The following SEMA7A variants were observed in gnomAD, a reference collection of about 807,000 sequenced individuals.
SEMA7A encodes semaphorin-7A.
SEMA7A carries 21 observed loss-of-function variants against 67.5 expected under a neutral mutation model. The ratio of observed to expected loss-of-function variants is 0.31; its 90% CI spans 0.22 to 0.45. The LOEUF is 0.45. Among genes scored for constraint, SEMA7A ranks in the 20% least tolerant of loss-of-function variants. SEMA7A has a pLI of 1.00. For missense variants in SEMA7A, 774 were observed against 908.6 expected, an observed-to-expected ratio of 0.85 and a Z score of 1.90; for synonymous variants, 364 against 368.5, an observed-to-expected ratio of 0.99 and a Z score of 0.14.
At chr15:74,429,003 A>G (rs2141291459) in intron 1 of SEMA7A, among the ~76,000 whole-genome samples, 1 of 152,302 alleles carries the variant, frequency 6.6e-6, no homozygotes, top group East Asian at 1.9e-4. Flanking sequence ...ACAGCTGGCC[A>G]TACACCTGGT....
chr15:74,418,756 G>A (rs2060974150), intron 2 of SEMA7A, 45 bp downstream of exon 2: 2 of 1,598,112 alleles, frequency 1.3e-6, no homozygotes, highest in Admixed American at 1.7e-5. Flanking sequence ...GGCCAGAGGG[G>A]AGATAAGAGG....
chr15:74,412,468 AAC>A (rs2060910106), intron 10 of SEMA7A, among the ~76,000 whole-genome samples: 1 of 152,200 alleles, frequency 6.6e-6, no homozygotes, highest in African/African-American at 2.4e-5. Flanking sequence ...ACCGAGTTGG[AAC>A]CCAAATCTGT....
chr15:74,429,133 A>G (rs1296137527), intron 1 of SEMA7A, among the ~76,000 whole-genome samples: 7 of 152,214 alleles, frequency 4.6e-5, no homozygotes, highest in South Asian at 2.1e-4. Flanking sequence ...CGCTGGGCCA[A>G]AAAAGGAAAT....
At position 74,416,458 on chromosome 15, in the gene SEMA7A, C is replaced by G. The variant is rs566571850; in HGVS notation, c.801+117G>C. The G allele has an allele frequency of 1.2e-5, 13 of 1,114,628 alleles. No homozygotes were observed. The African/African-American group carries it at 2.0e-4, about 17-fold the overall frequency. The allele number at this position is 1,114,628 out of a possible 1,614,324, so 69.0% of individuals were successfully genotyped here. On this transcript the variant is annotated intron_variant, in intron 7 of 13. Coordinates refer to ENST00000261918, the MANE Select transcript of SEMA7A (RefSeq NM_003612.5). ...ACAGCTGCTCCCACAGTCCCTGACA[C>G]AGACCCACTCATACATCCACACAAC...
Position 74,433,919 on chromosome 15 carries a change from C to G in SEMA7A, c.-1G>C. 3.2e-6 allele frequency: 4 copies of G among 1,246,588 alleles called. No homozygotes were observed. The highest frequency in any genetic ancestry group is 4.0e-6 in the Non-Finnish European group (4 of 998,280). 77.2% of individuals were successfully genotyped at this position (1,246,588 alleles called of 1,614,324 possible). A position where few individuals can be genotyped will look rare whatever the true frequency, so the allele number is the denominator to read the frequency against. Reference sequence around the variant, plus strand: ...CACGTCCGGGCGGAGGAGGCGTCATCCCGTGGCCCCGGGAGCGACAGCGGC... The same window carrying G: ...CACGTCCGGGCGGAGGAGGCGTCATGCCGTGGCCCCGGGAGCGACAGCGGC... On this transcript the variant is annotated 5_prime_UTR_variant, in exon 1 of 14. Coordinates refer to ENST00000261918, the MANE Select transcript of SEMA7A (RefSeq NM_003612.5).
chr15:74,417,991 G>C (rs1330820664), intron 3 of SEMA7A, 22 bp from the exon 4 acceptor site: 1 of 1,610,814 alleles, frequency 6.2e-7, no homozygotes, highest in East Asian at 2.2e-5. Context: ...AGAGAGAAGG[G>C]AGGAGAGAAA....
Position 74,414,441 on chromosome 15 carries a change from T to C in SEMA7A, c.1294+106A>G, listed in dbSNP as rs1454888683. On this transcript the variant is annotated intron_variant, in intron 10 of 13. Transcript: ENST00000261918. This position sits in a 1 kb window ranked among gnomAD's most constrained non-coding sequence, Gnocchi z 4.1. Reference sequence around the variant, plus strand: ...CCTGACAACTCCAGTCACTCAATTATTCCTTCCACATGTAAAGATCCAACC... The same window carrying C: ...CCTGACAACTCCAGTCACTCAATTACTCCTTCCACATGTAAAGATCCAACC... 8.6e-7 allele frequency: 1 copy of C among 1,163,746 alleles called. No homozygotes were observed. The highest frequency in any genetic ancestry group is 1.3e-6 in the Non-Finnish European group (1 of 793,054). 72.1% of individuals were successfully genotyped at this position (1,163,746 alleles called of 1,614,324 possible). A position where few individuals can be genotyped will look rare whatever the true frequency, so the allele number is the denominator to read the frequency against.
chr15:74,417,904 G>C lies in SEMA7A; in HGVS notation c.438C>G (p.Asn146Lys). 6.2e-7 allele frequency: 1 copy of C among 1,613,422 alleles called. No homozygotes were observed. Among genetic ancestry groups the C allele is most frequent in the Non-Finnish European group, 8.5e-7 (1 of 1,180,006 alleles). ...RSEGLLACGT[N>K]ARHPSCWNLV... ...GGTTCCAGCAGCTGGGGTGCCGGGC[G>C]TTGGTGCCACAGGCCAGCAGCCCCT... is the stretch of plus-strand genomic sequence containing the variant. The change falls in exon 4 of 14, where the codon AAC becomes AAG. Residue 146 changes from asparagine to lysine, a missense_variant. By Grantham distance (94) the Asn-to-Lys change is moderately conservative (BLOSUM62 0). Around this residue, in one of 2 missense-constraint regions of SEMA7A, gnomAD observed 347 missense variants for 353.2 expected, o/e 0.98. Transcript: ENST00000261918.
At chr15:74,424,239 C>T (rs569083679) in intron 1 of SEMA7A, among the ~76,000 whole-genome samples, 21 of 152,206 alleles carry the variant, frequency 1.4e-4, no homozygotes, top group African/African-American at 4.8e-4. Flanking sequence ...GGTTCATTTT[C>T]CTCCCTGTGG....
chr15:74,429,174 C>T (rs2061066461), intron 1 of SEMA7A, among the ~76,000 whole-genome samples: 1 of 152,226 alleles, frequency 6.6e-6, no homozygotes, highest in Non-Finnish European at 1.5e-5. Context: ...CAGTCCAGAG[C>T]TGCCGACCAA....
rs1257222441 is a variant in SEMA7A, at chr15:74,433,892, G to T, written c.27C>A (p.Ala9=). 2.4e-6 allele frequency: 3 copies of T among 1,262,600 alleles called. No homozygotes were observed. The highest frequency in any genetic ancestry group is 8.5e-5 in the Admixed American group (2 of 23,614). 78.2% of individuals were successfully genotyped at this position (1,262,600 alleles called of 1,614,324 possible). A position where few individuals can be genotyped will look rare whatever the true frequency, so the allele number is the denominator to read the frequency against. MTPPPPGR[A]APSAPRARVP... ...CGCGGGCGCGCGGTGCGCTGGGGGCGGCACGTCCGGGCGGAGGAGGCGTCA... is the reference window on the plus strand; with the variant it reads ...CGCGGGCGCGCGGTGCGCTGGGGGCTGCACGTCCGGGCGGAGGAGGCGTCA... Residue 9 remains alanine, a synonymous_variant, in exon 1 of 14, where the codon GCC becomes GCA. Transcript: ENST00000261918.
intron 1 of SEMA7A, among the ~76,000 whole-genome samples, chr15:74,430,524 C>T (rs188928681): frequency 5.4e-4 from 83 of 152,340 alleles, no homozygotes; most frequent in African/African-American, 1.9e-3. Flanking sequence ...CAGCTCTCTC[C>T]CCTATACCAT....
At position 74,417,673 on chromosome 15, in the gene SEMA7A, C is replaced by T. The variant is rs746821688; in HGVS notation, c.468G>A (p.Val156=). The change falls in exon 5 of 14, where the codon GTG becomes GTA. Residue 156 remains valine (V), a splice_region_variant and synonymous_variant. Coordinates refer to ENST00000261918, the MANE Select transcript of SEMA7A (RefSeq NM_003612.5). ...CGCCAAGTGGCACCACAGTGCCATTCACCTGTGGGAGATCCAGAGGGTTGG... is the reference window on the plus strand; with the variant it reads ...CGCCAAGTGGCACCACAGTGCCATTTACCTGTGGGAGATCCAGAGGGTTGG... ...NARHPSCWNL[V]NGTVVPLGEM... The T allele has an allele frequency of 6.2e-7, 1 of 1,609,940 alleles. No individual in the cohort carries two copies. Among genetic ancestry groups the T allele is most frequent in the Non-Finnish European group, 8.5e-7 (1 of 1,178,604 alleles).
At position 74,416,564 on chromosome 15, in the gene SEMA7A, C is replaced by G; in HGVS notation, c.801+11G>C. On this transcript the variant is annotated intron_variant, in intron 7 of 13. Coordinates refer to ENST00000261918, the MANE Select transcript of SEMA7A (RefSeq NM_003612.5). ...AGACACGTAGCCAGCAGCCCTCACG[C>G]CCCTGCTCACCCTGCACAACTGGGC... is the stretch of plus-strand genomic sequence containing the variant. 1.2e-6 allele frequency: 2 copies of G among 1,613,356 alleles called. No homozygotes were observed. The highest frequency in any genetic ancestry group is 2.2e-5 in the South Asian group (2 of 91,012).
chr15:74,410,344 G>A lies in SEMA7A; in HGVS notation c.*280C>T, dbSNP rs1168997468. 1 of 447,012 alleles carries A rather than the reference G, an allele frequency of 2.2e-6. No homozygotes were observed. The highest frequency in any genetic ancestry group is 3.9e-6 in the Non-Finnish European group (1 of 254,100). The allele number at this position is 447,012 out of a possible 1,614,324, so 27.7% of individuals were successfully genotyped here. On this transcript the variant is annotated 3_prime_UTR_variant, in exon 14 of 14. Transcript: ENST00000261918. The surrounding 1 kb of genome is among the most constrained non-coding windows in gnomAD (Gnocchi z 7.5). ...ATCGCTGCATTTAGTCAAGTTTGAG[G>A]AGTCTGAAAAATATTTTCCAGAAGA...
At chr15:74,419,585 A>C (rs1348862506) in intron 1 of SEMA7A, among the ~76,000 whole-genome samples, 1 of 152,206 alleles carries the variant, frequency 6.6e-6, no homozygotes, top group Non-Finnish European at 1.5e-5. Context: ...CCCATTTCAC[A>C]GATGGGAAAA....
At chr15:74,426,168 G>A (rs2061041949) in intron 1 of SEMA7A, among the ~76,000 whole-genome samples, 1 of 152,168 alleles carries the variant, frequency 6.6e-6, no homozygotes, top group African/African-American at 2.4e-5. Flanking sequence ...CCAGCTACTT[G>A]GGAGGCTGAG....
intron 1 of SEMA7A, 129 bp from the exon 2 acceptor site, chr15:74,419,081 C>G: frequency 9.2e-7 from 1 of 1,090,198 alleles, no homozygotes; most frequent in Non-Finnish European, 1.3e-6. Flanking sequence ...CAGACAAGCT[C>G]TGGGCTGGGG....
At chr15:74,412,114 G>A in intron 10 of SEMA7A, 102 bp from the exon 11 acceptor site, 8 of 1,431,336 alleles carry the variant, frequency 5.6e-6, no homozygotes, top group Non-Finnish European at 7.7e-6. Flanking sequence ...ACTCAGGCAA[G>A]GGTCACAGGA....
Sources: gnomAD v4.1 joint callset for allele counts (sites outside exome capture counted in the v4.1 genomes callset) on GRCh38, gnomAD v4.1.1 for gene constraint, gnomAD v4.1.1 regional missense constraint, Gnocchi (gnomAD v3.1) non-coding constraint, MANE v1.5 for transcripts, NCBI Gene and HGNC (gene_info 2026-07-23, HGNC 2026-07-21) for gene names.